CACNA1C: variants seen among roughly 807,000 people sequenced by gnomAD.
CACNA1C encodes voltage-dependent L-type calcium channel subunit alpha-1C.
In CACNA1C, 30 loss-of-function variants were observed where a neutral mutation model predicts 229.0. The ratio of observed to expected loss-of-function variants is 0.13; its 90% confidence interval spans 0.10 to 0.18. CACNA1C has a LOEUF of 0.18. Among genes scored for constraint, CACNA1C ranks in the 10% least tolerant of loss-of-function variants. The pLI is 1.00. For synonymous variants in CACNA1C, 1,114 were observed against 1,132.5 expected, an observed-to-expected ratio of 0.98 and a Z score of 0.33; for missense variants, 1,658 against 2,845.0, an observed-to-expected ratio of 0.58 and a Z score of 9.49.
At chr12:2,022,894 T>C (rs116941669) in intron 1 of CACNA1C, among the ~76,000 whole-genome samples, 4,473 of 152,294 alleles carry the variant, frequency 0.029, 93 homozygotes, top group Non-Finnish European at 0.044. Context: ...CTTAAATAAA[T>C]CATTCATTCC....
At chr12:2,113,373 A>C (rs1334707906) in intron 1 of CACNA1C, among the ~76,000 whole-genome samples, 1 of 152,230 alleles carries the variant, frequency 6.6e-6, no homozygotes, top group Non-Finnish European at 1.5e-5. Flanking sequence ...CTTGGAGGTC[A>C]AACATAGAAG....
intron 10 of CACNA1C, among the ~76,000 whole-genome samples, chr12:2,553,077 A>T (rs1480808842): frequency 1.3e-5 from 2 of 152,130 alleles, no homozygotes; most frequent in African/African-American, 4.8e-5. Flanking sequence ...GTGCACCTGA[A>T]ACTAATTGGA....
chr12:2,389,505 T>A (rs1420487091), intron 3 of CACNA1C, among the ~76,000 whole-genome samples: 1 of 152,216 alleles, frequency 6.6e-6, no homozygotes, highest in Non-Finnish European at 1.5e-5. Context: ...GGGAAGATTG[T>A]GATCCTGTCC....
At chr12:2,283,425 G>A (rs920998011) in intron 3 of CACNA1C, among the ~76,000 whole-genome samples, 6 of 152,146 alleles carry the variant, frequency 3.9e-5, no homozygotes, top group Admixed American at 3.9e-4. Flanking sequence ...GGACAAATTA[G>A]AGCCTTCACC....
intron 1 of CACNA1C, among the ~76,000 whole-genome samples, chr12:2,058,721 A>G (rs897905190): frequency 6.6e-6 from 1 of 152,246 alleles, no homozygotes; most frequent in Non-Finnish European, 1.5e-5. Context: ...AAGTGACAGG[A>G]TCCCTCGGGG....
rs147578125 is a variant in CACNA1C, at chr12:2,592,550, A to G, written c.2531-663A>G. On this transcript the variant is annotated intron_variant, in intron 18 of 46. Transcript: ENST00000399655. ...CGTCATGAGCGTTGTGCTGGCAAGC[A>G]CAGGAATAAGCTGTCTGACTTTGGT... is the stretch of plus-strand genomic sequence containing the variant. Among the ~76,000 whole-genome samples, 63 of 152,320 alleles carry G rather than the reference A, an allele frequency of 4.1e-4. 2 individuals are homozygous for G. The highest frequency in any genetic ancestry group is 1.5e-3 in the African/African-American group (62 of 41,570).
chr12:2,613,347 G>A (rs1372506208), intron 29 of CACNA1C: 3 of 152,210 alleles, frequency 2.0e-5, no homozygotes, highest in East Asian at 1.9e-4. Flanking sequence ...CTGGCAGAAC[G>A]GAGACTGGAA....
At chr12:2,542,926 T>C (rs892681413) in intron 9 of CACNA1C, among the ~76,000 whole-genome samples, 1 of 152,194 alleles carries the variant, frequency 6.6e-6, no homozygotes, top group Non-Finnish European at 1.5e-5. Context: ...CCATTGATGA[T>C]ATTACTAAAA....
intron 5 of CACNA1C, among the ~76,000 whole-genome samples, chr12:2,482,474 C>G (rs1272311357): frequency 6.6e-6 from 1 of 152,236 alleles, no homozygotes; most frequent in Non-Finnish European, 1.5e-5. Context: ...ACCCACTCTT[C>G]TCATCAGAAA....
At chr12:2,001,547 T>C (rs976082007) in intron 1 of CACNA1C, among the ~76,000 whole-genome samples, 2 of 152,176 alleles carry the variant, frequency 1.3e-5, no homozygotes, top group African/African-American at 4.8e-5. Context: ...CAATCTCTAT[T>C]TTAACTTGAT....
At position 2,504,026 on chromosome 12, in the gene CACNA1C, G is replaced by A. The variant is rs192658444; in HGVS notation, c.1114-816G>A. Reference sequence around the variant, plus strand: ...TCCAGGCCTGTCAGCAGGAGCTGACGCACTTCATACACCAAGGTCAGGGGC... The same window carrying A: ...TCCAGGCCTGTCAGCAGGAGCTGACACACTTCATACACCAAGGTCAGGGGC... On this transcript the variant is annotated intron_variant, in intron 7 of 46. Transcript: ENST00000399655. This position sits in a 1 kb window ranked among gnomAD's most constrained non-coding sequence, Gnocchi z 6.8. Among the ~76,000 whole-genome samples, 37 of 152,344 alleles carry A rather than the reference G, an allele frequency of 2.4e-4. No individual in the cohort carries two copies. The highest frequency in any genetic ancestry group is 1.2e-3 in the Admixed American group (18 of 15,306).
intron 3 of CACNA1C, among the ~76,000 whole-genome samples, chr12:2,305,937 A>G (rs557202002): frequency 2.0e-5 from 3 of 152,312 alleles, no homozygotes; most frequent in African/African-American, 4.8e-5. Flanking sequence ...GCCAGGCCCT[A>G]TTTAAATATA....
At position 2,649,439 on chromosome 12, in the gene CACNA1C, A is replaced by G. The variant is rs117530530; in HGVS notation, c.3945+932A>G. ...GGCGCTGCCTGGCCACAAGGCTGCC[A>G]CAGGAAAGGCTGAGCCCGGGTGCTC... On this transcript the variant is annotated intron_variant, in intron 31 of 46. Coordinates refer to ENST00000399655, the MANE Select transcript of CACNA1C (RefSeq NM_000719.7). This position sits in a 1 kb window ranked among gnomAD's most constrained non-coding sequence, Gnocchi z 4.4. Among the ~76,000 whole-genome samples, 5,335 of 152,350 alleles carry G rather than the reference A, an allele frequency of 0.035. 140 individuals carry two copies. The highest frequency in any genetic ancestry group is 0.13 in the Middle Eastern group (39 of 294).
chr12:2,528,436 C>T (rs2099830686), intron 9 of CACNA1C, among the ~76,000 whole-genome samples: 2 of 152,202 alleles, frequency 1.3e-5, no homozygotes, highest in Non-Finnish European at 2.9e-5. Flanking sequence ...TGGAATTGCA[C>T]TTTTCCTCCT....
intron 3 of CACNA1C, among the ~76,000 whole-genome samples, chr12:2,177,551 T>C (rs2096684322): frequency 2.3e-5 from 3 of 129,722 alleles, no homozygotes; most frequent in African/African-American, 5.8e-5. Flanking sequence ...CTTTCCTTCC[T>C]TCCCTTTCCT....
At chr12:2,452,957 T>TC (rs779226931) in intron 4 of CACNA1C, among the ~76,000 whole-genome samples, 1 of 152,026 alleles carries the variant, frequency 6.6e-6, no homozygotes, top group Non-Finnish European at 1.5e-5. Flanking sequence ...AGAAGCCCAC[T>TC]CCCCCATCCT....
In CACNA1C at chr12:2,447,026, A is replaced by G. The variant is rs537868726; in HGVS notation, c.478-1950A>G. Among the ~76,000 whole-genome samples the G allele has an allele frequency of 2.0e-4, 30 of 152,252 alleles. 1 individual carries two copies. The South Asian group carries it at 6.0e-3, about 31-fold the overall frequency. On this transcript the variant is annotated intron_variant, in intron 3 of 46. Transcript: ENST00000399655. The stretch of plus-strand genomic sequence containing the variant: ...GCTTCACCTTTCTGGGAATATAGAA[A>G]GAGGTGACCCTGTCATCTAGTGGCA...
At chr12:2,057,236 C>T (rs1015937779) in intron 1 of CACNA1C, among the ~76,000 whole-genome samples, 10 of 152,206 alleles carry the variant, frequency 6.6e-5, no homozygotes, top group African/African-American at 2.4e-4. Flanking sequence ...CTGGAGATTT[C>T]GAGGCCCTGC....
chr12:2,291,363 C>A (rs1402506645), intron 3 of CACNA1C, among the ~76,000 whole-genome samples: 1 of 152,298 alleles, frequency 6.6e-6, no homozygotes, highest in East Asian at 1.9e-4. Flanking sequence ...CCTACTCCGC[C>A]GCAGAATTTG....
Sources: allele counts gnomAD v4.1 joint callset (sites outside exome capture counted in the v4.1 genomes callset), GRCh38; gene constraint gnomAD v4.1.1; non-coding constraint Gnocchi (gnomAD v3.1); transcripts MANE v1.5; gene names NCBI Gene and HGNC (gene_info 2026-07-23, HGNC 2026-07-21).